Variants in GOSR1 observed in about 807,000 individuals in gnomAD.
The protein encoded by GOSR1 is golgi SNAP receptor complex member 1.
GOSR1 carries 21 observed loss-of-function variants against 35.5 expected under a neutral mutation model. The observed-to-expected ratio is 0.59, with a 90% confidence interval of 0.42 to 0.85. The LOEUF (loss-of-function observed/expected upper bound fraction) is 0.85, where lower values mean the gene tolerates loss of function less well. GOSR1 is among the 40% of genes least tolerant of loss of function. The pLI is 0.00. For synonymous variants in GOSR1, 94 were observed against 106.6 expected (o/e 0.88, Z 0.73); for missense variants, 285 against 309.6 (o/e 0.92, Z 0.60).
intron 6 of GOSR1, among the ~76,000 whole-genome samples, chr17:30,494,355 G>C (rs191744918): frequency 1.3e-5 from 2 of 152,012 alleles, no homozygotes; most frequent in Non-Finnish European, 2.9e-5. Flanking sequence ...TTCGTTTTTG[G>C]CTTCTCTTTC....
At chr17:30,501,689 T>C (rs1425492975) in intron 6 of GOSR1, among the ~76,000 whole-genome samples, 1 of 152,028 alleles carries the variant, frequency 6.6e-6, no homozygotes, top group Non-Finnish European at 1.5e-5. Flanking sequence ...AGAGATGGGG[T>C]TTCACCATCT....
At chr17:30,500,060 G>A (rs969470517) in intron 6 of GOSR1, among the ~76,000 whole-genome samples, 3 of 151,990 alleles carry the variant, frequency 2.0e-5, no homozygotes, top group Non-Finnish European at 4.4e-5. Context: ...AGGGTTCTTT[G>A]TGTACTCTGG....
chr17:30,488,351 A>G (rs1914810276), intron 4 of GOSR1, among the ~76,000 whole-genome samples: 1 of 150,898 alleles, frequency 6.6e-6, no homozygotes, highest in African/African-American at 2.4e-5. Context: ...TTTTTAGTAG[A>G]GATGGGGTTT....
intron 8 of GOSR1, among the ~76,000 whole-genome samples, chr17:30,521,971 G>A (rs1050148975): frequency 1.3e-5 from 2 of 152,120 alleles, no homozygotes; most frequent in Non-Finnish European, 2.9e-5. Context: ...AGCCCTCAGT[G>A]CTTGGGAACT....
chr17:30,500,070 G>A (rs1474634971), intron 6 of GOSR1, among the ~76,000 whole-genome samples: 5 of 152,100 alleles, frequency 3.3e-5, no homozygotes. Flanking sequence ...GTGTACTCTG[G>A]ATGTAAGTCC....
intron 5 of GOSR1, among the ~76,000 whole-genome samples, chr17:30,491,157 A>G (rs1382068089): frequency 2.0e-5 from 3 of 152,088 alleles, no homozygotes; most frequent in Non-Finnish European, 2.9e-5. Context: ...CCATTTATAT[A>G]TATGTTTTGA....
At chr17:30,481,880 G>A (rs940489313) in intron 2 of GOSR1, among the ~76,000 whole-genome samples, 3 of 152,068 alleles carry the variant, frequency 2.0e-5, no homozygotes, top group Non-Finnish European at 4.4e-5. Context: ...GTGTAATCCC[G>A]GGACTTTAGG....
At chr17:30,493,875 A>G (rs909033703) in intron 6 of GOSR1, among the ~76,000 whole-genome samples, 2 of 152,062 alleles carry the variant, frequency 1.3e-5, no homozygotes, top group Non-Finnish European at 2.9e-5. Context: ...CTTTTGGGTT[A>G]TGTTCTGTTT....
intron 7 of GOSR1, among the ~76,000 whole-genome samples, chr17:30,513,351 C>G (rs1287939133): frequency 6.6e-6 from 1 of 152,084 alleles, no homozygotes; most frequent in Non-Finnish European, 1.5e-5. Context: ...GTAAGCATAT[C>G]AATGATTTAT....
chr17:30,506,458 G>T (rs1199822878), intron 6 of GOSR1, among the ~76,000 whole-genome samples: 1 of 152,370 alleles, frequency 6.6e-6, no homozygotes, highest in East Asian at 1.9e-4. Context: ...CTAATCCAGA[G>T]CAAGGCTCTC....
At chr17:30,493,980 C>T (rs1011730555) in intron 6 of GOSR1, among the ~76,000 whole-genome samples, 1 of 152,098 alleles carries the variant, frequency 6.6e-6, no homozygotes, top group Admixed American at 6.6e-5. Flanking sequence ...AGAACACACT[C>T]ATTTGCAAAG....
At chr17:30,484,470 A>G (rs899674943) in intron 3 of GOSR1, among the ~76,000 whole-genome samples, 169 bp downstream of exon 3, 6 of 152,004 alleles carry the variant, frequency 3.9e-5, no homozygotes, top group African/African-American at 1.5e-4. Flanking sequence ...AGGTGATATG[A>G]TGTTATTTTG....
At chr17:30,481,858 A>G (rs1400698311) in intron 2 of GOSR1, among the ~76,000 whole-genome samples, 1 of 152,168 alleles carries the variant, frequency 6.6e-6, no homozygotes, top group Non-Finnish European at 1.5e-5. Flanking sequence ...AGCCAGGCAC[A>G]GTAGATGACG....
intron 6 of GOSR1, among the ~76,000 whole-genome samples, chr17:30,499,829 T>C (rs1351546200): frequency 6.6e-6 from 1 of 152,208 alleles, no homozygotes; most frequent in Non-Finnish European, 1.5e-5. Flanking sequence ...TTGTAACCAT[T>C]TTAGTAGAAG....
chr17:30,520,438 A>G (rs1209018946), intron 8 of GOSR1: 1 of 154,548 alleles, frequency 6.5e-6, no homozygotes, highest in African/African-American at 2.4e-5. Flanking sequence ...GGAAGGAGAC[A>G]GCCACCCGTG....
Position 30,525,146 on chromosome 17 carries a change from G to A in GOSR1, c.*2768G>A, listed in dbSNP as rs1968162761. 1.5e-5 allele frequency: 2 copies of A among 137,706 alleles called. No individual in the cohort carries two copies. The highest frequency in any genetic ancestry group is 3.5e-5 in the African/African-American group (1 of 28,440). The allele number at this position is 137,706 out of a possible 1,614,324, so 8.5% of individuals were successfully genotyped here. Reference sequence around the variant, plus strand: ...GTATTTATAGTATTGGCTTCAGTCCGAGCCACAGGCAATAAAAGGATATCA... The same window carrying A: ...GTATTTATAGTATTGGCTTCAGTCCAAGCCACAGGCAATAAAAGGATATCA... On this transcript the variant is annotated 3_prime_UTR_variant, in exon 9 of 9. Transcript: ENST00000451249.
chr17:30,499,593 G>T (rs1156562603), intron 6 of GOSR1, among the ~76,000 whole-genome samples: 1 of 152,132 alleles, frequency 6.6e-6, no homozygotes, highest in East Asian at 1.9e-4. Flanking sequence ...CACCCGCCTT[G>T]GCCTCCCAAA....
intron 7 of GOSR1, among the ~76,000 whole-genome samples, chr17:30,515,678 CTT>C (rs1343882754): frequency 6.6e-6 from 1 of 152,280 alleles, no homozygotes; most frequent in East Asian, 1.9e-4. Context: ...CTGTGGAAAA[CTT>C]TTTAAAATCA....
chr17:30,493,286 C>T (rs150372259), intron 6 of GOSR1, among the ~76,000 whole-genome samples: 6 of 151,954 alleles, frequency 3.9e-5, no homozygotes, highest in Non-Finnish European at 8.8e-5. Context: ...GAGCCACCAC[C>T]GCACCCGGCC....
Sources: gnomAD v4.1 joint callset for allele counts (sites outside exome capture counted in the v4.1 genomes callset) on GRCh38, gnomAD v4.1.1 for gene constraint, MANE v1.5 for transcripts, NCBI Gene and HGNC (gene_info 2026-07-23, HGNC 2026-07-21) for gene names.